TPBG: variants seen among roughly 807,000 people sequenced by gnomAD.
TPBG encodes the protein trophoblast glycoprotein, also known as 5T4 oncofetal antigen.
A neutral mutation model predicts 19.3 loss-of-function variants in TPBG; 13 were observed. That is an observed-to-expected ratio of 0.67 (90% CI 0.44 to 1.07). The LOEUF (loss-of-function observed/expected upper bound fraction) is 1.07. TPBG is among the 50% of genes least tolerant of loss of function. The pLI, the probability that TPBG is intolerant of heterozygous loss-of-function variation, is 0.00. For missense variants in TPBG, 642 were observed against 559.6 expected (o/e 1.15, Z -1.49); for synonymous variants, 338 against 259.8 (o/e 1.30, Z -2.89).
At position 82,365,827 on chromosome 6, in the gene TPBG, T is replaced by C; in HGVS notation, c.866T>C (p.Val289Ala). Residue 289 changes from valine to alanine, a missense_variant, in exon 2 of 2, where the codon GTT becomes GCT. By Grantham distance (64) the Val-to-Ala change is moderately conservative (BLOSUM62 0). Coordinates refer to ENST00000369750, the MANE Select transcript of TPBG (RefSeq NM_001376922.1). ...TTGCAAGGTCTACCCCACATTAGGG[T>C]TTTCCTGGACAACAATCCCTGGGTC... ...AELQGLPHIR[V>A]FLDNNPWVCD... 6.2e-7 allele frequency: 1 copy of C among 1,614,002 alleles called. No individual in the cohort carries two copies. The highest frequency in any genetic ancestry group is 8.5e-7 in the Non-Finnish European group (1 of 1,180,014).
Position 82,365,227 on chromosome 6 carries a change from T to C in TPBG, c.266T>C (p.Leu89Pro). The C allele has an allele frequency of 6.3e-7, 1 of 1,593,200 alleles. No homozygotes were observed. Among genetic ancestry groups the C allele is most frequent in the Non-Finnish European group, 8.5e-7 (1 of 1,174,130 alleles). Reference sequence around the variant, plus strand: ...AATCTGACCGAGGTGCCCACGGACCTGCCCGCCTACGTGCGCAACCTCTTC... The same window carrying C: ...AATCTGACCGAGGTGCCCACGGACCCGCCCGCCTACGTGCGCAACCTCTTC... ...NRNLTEVPTD[L>P]PAYVRNLFLT... Residue 89 changes from leucine to proline, a missense_variant, in exon 2 of 2, where the codon CTG (leucine) becomes CCG (proline). Transcript: ENST00000369750.
intron 1 of TPBG, chr6:82,364,415 A>G (rs1175312049): frequency 6.5e-6 from 1 of 152,782 alleles, no homozygotes; most frequent in Non-Finnish European, 1.5e-5. Context: ...GCCAGGGAAG[A>G]AGGAAGACTT....
At position 82,367,399 on chromosome 6, in the gene TPBG, A is replaced by T. The variant is rs1329133614; in HGVS notation, c.*1175A>T. ...TAAAGACAATATTCTGAAATAAAAGATATAAAATATAATTTAAAAAATATT... is the reference window on the plus strand; with the variant it reads ...TAAAGACAATATTCTGAAATAAAAGTTATAAAATATAATTTAAAAAATATT... On this transcript the variant is annotated 3_prime_UTR_variant, in exon 2 of 2. Coordinates refer to ENST00000369750, the MANE Select transcript of TPBG (RefSeq NM_001376922.1). The T allele has an allele frequency of 1.2e-5, 2 of 166,996 alleles. No homozygotes were observed. Among genetic ancestry groups the T allele is most frequent in the African/African-American group, 4.8e-5 (2 of 41,476 alleles). 10.3% of individuals were successfully genotyped at this position (166,996 alleles called of 1,614,324 possible).
Position 82,364,933 on chromosome 6 carries a change from A to T in TPBG, c.-29A>T. 1 of 1,414,538 alleles carries T rather than the reference A, an allele frequency of 7.1e-7. No homozygotes were observed. The highest frequency in any genetic ancestry group is 1.5e-5 in the African/African-American group (1 of 65,870). The allele number at this position is 1,414,538 out of a possible 1,614,324, so 87.6% of individuals were successfully genotyped here. On this transcript the variant is annotated 5_prime_UTR_variant, in exon 2 of 2. Coordinates refer to ENST00000369750, the MANE Select transcript of TPBG (RefSeq NM_001376922.1). ...GAGCCTTCGGAGCGGGCGCCGTCCC[A>T]GCCCAGCTCCGGGGAAACGCGAGCC...
rs200075724 is a variant in TPBG, at chr6:82,365,697, C to T, written c.736C>T (p.Leu246=). The T allele has an allele frequency of 2.5e-6, 4 of 1,606,174 alleles. No individual in the cohort carries two copies. The highest frequency in any genetic ancestry group is 3.4e-6 in the Non-Finnish European group (4 of 1,175,892). The change falls in exon 2 of 2, where the codon CTG becomes TTG. Residue 246 remains leucine, a synonymous_variant. Transcript: ENST00000369750. ...GCACCTGGACTTAAGTAATAATTCG[C>T]TGGTGAGCCTGACCTACGTGTCCTT... ...LRHLDLSNNS[L]VSLTYVSFRN...
At position 82,365,888 on chromosome 6, in the gene TPBG, C is replaced by T. The variant is rs756912263; in HGVS notation, c.927C>T (p.Leu309=). The change falls in exon 2 of 2, where the codon CTC becomes CTT. Residue 309 remains leucine (L), a synonymous_variant. Transcript: ENST00000369750. ...DCHMADMVTW[L]KETEVVQGKD... is the part of the protein sequence containing the mutation. ...ACATGGCAGACATGGTGACCTGGCT[C>T]AAGGAAACAGAGGTAGTGCAGGGCA... The T allele has an allele frequency of 1.9e-6, 3 of 1,614,150 alleles. No individual in the cohort carries two copies. Among genetic ancestry groups the T allele is most frequent in the Non-Finnish European group, 2.5e-6 (3 of 1,180,034 alleles).
Position 82,365,823 on chromosome 6 carries a change from A to C in TPBG, c.862A>C (p.Arg288=). The C allele has an allele frequency of 6.2e-7, 1 of 1,614,136 alleles. No individual in the cohort carries two copies. The highest frequency in any genetic ancestry group is 1.1e-5 in the South Asian group (1 of 91,088). ...TGAGTTGCAAGGTCTACCCCACATT[A>C]GGGTTTTCCTGGACAACAATCCCTG... is the stretch of plus-strand genomic sequence containing the variant. ...LAELQGLPHI[R]VFLDNNPWVC... Residue 288 remains arginine, a synonymous_variant, in exon 2 of 2, where the codon AGG becomes CGG. Transcript: ENST00000369750.
In TPBG at chr6:82,365,093, G is replaced by C. The variant is rs1256245972; in HGVS notation, c.132G>C (p.Ser44=). Residue 44 remains serine, a synonymous_variant, in exon 2 of 2, where the codon TCG becomes TCC. Coordinates refer to ENST00000369750, the MANE Select transcript of TPBG (RefSeq NM_001376922.1). ...CCTCGGCATCCTCCTTCTCCTCCTCGGCGCCGTTCCTGGCTTCCGCCGTGT... is the reference window on the plus strand; with the variant it reads ...CCTCGGCATCCTCCTTCTCCTCCTCCGCGCCGTTCCTGGCTTCCGCCGTGT... The part of the protein sequence containing the change: ...PTSSASSFSS[S]APFLASAVSA... The C allele has an allele frequency of 1.3e-6, 2 of 1,573,084 alleles. No individual in the cohort carries two copies.
rs1433941764 is a variant in TPBG, at chr6:82,365,059, C to G, written c.98C>G (p.Ser33Cys). The G allele has an allele frequency of 2.6e-6, 4 of 1,552,828 alleles. No individual in the cohort carries two copies. Among genetic ancestry groups the G allele is most frequent in the Non-Finnish European group, 3.5e-6 (4 of 1,148,250 alleles). ...CTCCTGGGCTGGGTCTCCTCGTCTT[C>G]TCCCACCTCCTCGGCATCCTCCTTC... ...LVLLGWVSSS[S>C]PTSSASSFSS... is the part of the protein sequence containing the mutation. Residue 33 changes from serine to cysteine, a missense_variant, in exon 2 of 2, where the codon TCT becomes TGT. Ser to Cys is a moderately radical substitution (Grantham distance 112, BLOSUM62 -1). Transcript: ENST00000369750.
In TPBG at chr6:82,366,406, C is replaced by A; in HGVS notation, c.*182C>A. The A allele has an allele frequency of 1.5e-6, 1 of 669,818 alleles. No individual in the cohort carries two copies. Among genetic ancestry groups the A allele is most frequent in the South Asian group, 2.6e-5 (1 of 38,634 alleles). 41.5% of individuals were successfully genotyped at this position (669,818 alleles called of 1,614,324 possible). The stretch of plus-strand genomic sequence containing the variant: ...CTCGGTGTGTTCTGTTAATGTAAGA[C>A]GATGAACAGTTGTGTATAGTGTTTT... On this transcript the variant is annotated 3_prime_UTR_variant, in exon 2 of 2. Transcript: ENST00000369750.
rs1395458480 is a variant in TPBG, at chr6:82,365,056, C to T, written c.95C>T (p.Ser32Phe). The T allele has an allele frequency of 1.5e-5, 23 of 1,551,754 alleles. No homozygotes were observed. Among genetic ancestry groups the T allele is most frequent in the African/African-American group, 4.1e-5 (3 of 72,678 alleles). ...ALVLLGWVSS[S>F]SPTSSASSFS... ...GTACTCCTGGGCTGGGTCTCCTCGT[C>T]TTCTCCCACCTCCTCGGCATCCTCC... is the stretch of plus-strand genomic sequence containing the variant. The change falls in exon 2 of 2, where the codon TCT becomes TTT. Residue 32 changes from serine to phenylalanine, a missense_variant. Ser to Phe is a radical substitution (Grantham distance 155). Transcript: ENST00000369750.
In TPBG at chr6:82,365,869, C is replaced by T. The variant is rs373802409; in HGVS notation, c.908C>T (p.Ala303Val). ...CCCTGGGTCTGCGACTGCCACATGG[C>T]AGACATGGTGACCTGGCTCAAGGAA... ...NNPWVCDCHM[A>V]DMVTWLKETE... The change falls in exon 2 of 2, where the codon GCA (alanine) becomes GTA (valine). Residue 303 changes from alanine (A) to valine (V), a missense_variant. Transcript: ENST00000369750. 24 of 1,614,002 alleles carry T rather than the reference C, an allele frequency of 1.5e-5. No homozygotes were observed. The highest frequency in any genetic ancestry group is 1.9e-5 in the Non-Finnish European group (23 of 1,180,022).
Position 82,365,924 on chromosome 6 carries a change from C to T in TPBG, c.963C>T (p.Leu321=). 2 of 1,614,196 alleles carry T rather than the reference C, an allele frequency of 1.2e-6. No individual in the cohort carries two copies. The highest frequency in any genetic ancestry group is 4.5e-5 in the East Asian group (2 of 44,876). The change falls in exon 2 of 2, where the codon CTC becomes CTT. Residue 321 remains leucine (L), a synonymous_variant. Transcript: ENST00000369750. The part of the protein sequence containing the change: ...ETEVVQGKDR[L]TCAYPEKMRN... ...AGGTAGTGCAGGGCAAAGACCGGCT[C>T]ACCTGTGCATATCCGGAAAAAATGA...
At position 82,365,037 on chromosome 6, in the gene TPBG, C is replaced by T. The variant is rs1209170083; in HGVS notation, c.76C>T (p.Leu26=). 6.5e-6 allele frequency: 10 copies of T among 1,546,506 alleles called. No homozygotes were observed. Among genetic ancestry groups the T allele is most frequent in the Non-Finnish European group, 8.7e-7 (1 of 1,145,542 alleles). Residue 26 remains leucine, a synonymous_variant, in exon 2 of 2, where the codon CTG becomes TTG. Coordinates refer to ENST00000369750, the MANE Select transcript of TPBG (RefSeq NM_001376922.1). ...LRLARLALVL[L]GWVSSSSPTS... is the part of the protein sequence containing the mutation. ...GCTGGCGCGACTAGCGCTGGTACTC[C>T]TGGGCTGGGTCTCCTCGTCTTCTCC...
At chr6:82,364,001 T>C (rs1767396780) in intron 1 of TPBG, 93 bp downstream of exon 1, 1 of 152,264 alleles carries the variant, frequency 6.6e-6, no homozygotes, top group Admixed American at 6.5e-5. Context: ...TTGGTTCGGG[T>C]TGCCACTGTA....
At position 82,365,370 on chromosome 6, in the gene TPBG, G is replaced by A; in HGVS notation, c.409G>A (p.Ala137Thr). 3.2e-6 allele frequency: 5 copies of A among 1,587,052 alleles called. No individual in the cohort carries two copies. Among genetic ancestry groups the A allele is most frequent in the Admixed American group, 1.8e-5 (1 of 55,378 alleles). The change falls in exon 2 of 2, where the codon GCC becomes ACC. Residue 137 changes from alanine to threonine, a missense_variant. Transcript: ENST00000369750. ...GSRLDEVRAG[A>T]FEHLPSLRQL... ...CCGCCTGGACGAGGTGCGCGCGGGC[G>A]CCTTCGAGCATCTGCCCAGCCTGCG...
At position 82,364,657 on chromosome 6, in the gene TPBG, G is replaced by C. The variant is rs1444576468; in HGVS notation, c.-305G>C. 1 of 368,080 alleles carries C rather than the reference G, an allele frequency of 2.7e-6. No individual in the cohort carries two copies. Among genetic ancestry groups the C allele is most frequent in the African/African-American group, 2.1e-5 (1 of 47,080 alleles). 22.8% of individuals were successfully genotyped at this position (368,080 alleles called of 1,614,324 possible). On this transcript the variant is annotated 5_prime_UTR_variant, in exon 2 of 2. Transcript: ENST00000369750. ...AGGATCCAGCGAGGGGCGCCAACAA[G>C]AGGCGAAGAGGTGGCACCAGGGCGG... is the stretch of plus-strand genomic sequence containing the variant.
Position 82,365,576 on chromosome 6 carries a change from G to A in TPBG, c.615G>A (p.Ala205=). 4 of 1,582,854 alleles carry A rather than the reference G, an allele frequency of 2.5e-6. No individual in the cohort carries two copies. Among genetic ancestry groups the A allele is most frequent in the Non-Finnish European group, 3.4e-6 (4 of 1,165,996 alleles). The change falls in exon 2 of 2, where the codon GCG becomes GCA. Residue 205 remains alanine, a synonymous_variant. Transcript: ENST00000369750. ...GCATGGTGGTGGCGGCCCTGCTGGCGGGCCGTGCACTGCAGGGGCTCCGCC... is the reference window on the plus strand; with the variant it reads ...GCATGGTGGTGGCGGCCCTGCTGGCAGGCCGTGCACTGCAGGGGCTCCGCC... ...FEGMVVAALL[A]GRALQGLRRL...
At chr6:82,364,578 C>CCG (rs1484007578) in intron 1 of TPBG, 45 bp from the exon 2 acceptor site, 5 of 205,616 alleles carry the variant, frequency 2.4e-5, no homozygotes, top group Admixed American at 1.2e-4. Flanking sequence ...ACTCCGGAAG[C>CCG]CGCGGCAGCC....
Sources: gnomAD v4.1 joint callset for allele counts on GRCh38, gnomAD v4.1.1 for gene constraint, MANE v1.5 for transcripts, NCBI Gene and HGNC (gene_info 2026-07-23, HGNC 2026-07-21) for gene names.